Variants in GH1 observed in about 807,000 individuals in gnomAD.
GH1 encodes growth hormone 1, also known as somatotropin.
A neutral mutation model predicts 24.5 loss-of-function variants in GH1; 13 were observed. That is an observed-to-expected ratio of 0.53 (90% CI 0.35 to 0.85). GH1 has a LOEUF of 0.85. Among genes scored for constraint, GH1 ranks in the 40% least tolerant of loss-of-function variants. The pLI is 0.01. For missense variants in GH1, 294 were observed against 273.2 expected, an observed-to-expected ratio of 1.08 and a Z score of -0.54; for synonymous variants, 126 against 116.3, an observed-to-expected ratio of 1.08 and a Z score of -0.54.
chr17:63,917,680 A>T, intron 4 of GH1, 80 bp downstream of exon 4: 1 of 1,614,124 alleles, frequency 6.2e-7, no homozygotes, highest in South Asian at 1.1e-5. Flanking sequence ...ACTGCTAAAA[A>T]GAGGGCAGCA....
chr17:63,917,432 G>T lies in GH1; in HGVS notation c.531C>A (p.His177Gln). 1 of 1,613,988 alleles carries T rather than the reference G, an allele frequency of 6.2e-7. No individual in the cohort carries two copies. The highest frequency in any genetic ancestry group is 8.5e-7 in the Non-Finnish European group (1 of 1,179,878). ...QTYSKFDTNSHNDDALLKNYG... is the reference protein window; with the variant it reads ...QTYSKFDTNSQNDDALLKNYG... The stretch of plus-strand genomic sequence containing the variant: ...AGTTCTTGAGTAGTGCGTCATCGTT[G>T]TGTGAGTTTGTGTCGAACTTGCTGT... Residue 177 changes from histidine (H) to glutamine (Q), a missense_variant, in exon 5 of 5, where the codon CAC becomes CAA. Physicochemically the swap from His to Gln is conservative, Grantham distance 24. Transcript: ENST00000323322.
chr17:63,917,564 T>G, intron 4 of GH1, 58 bp from the exon 5 acceptor site: 1 of 1,613,916 alleles, frequency 6.2e-7, no homozygotes, highest in Non-Finnish European at 8.5e-7. Flanking sequence ...TCCCTCCCTT[T>G]CTCATTCATT....
At chr17:63,918,549 G>A in intron 1 of GH1, 43 bp from the exon 2 acceptor site, 1 of 1,613,026 alleles carries the variant, frequency 6.2e-7, no homozygotes, top group Non-Finnish European at 8.5e-7. Context: ...CGGAGAGCAA[G>A]AGGCCAGCAC....
chr17:63,918,692 C>A (rs1907546140), intron 1 of GH1, 75 bp downstream of exon 1: 1 of 1,612,374 alleles, frequency 6.2e-7, no homozygotes, highest in South Asian at 1.1e-5. Context: ...AGGGTTAGTG[C>A]CCCCGTCCCA....
rs748188371 is a variant in GH1 at position 63,917,847 on chromosome 17, G to A, written c.369C>T (p.Phe123=). 7 of 1,614,184 alleles carry A rather than the reference G, an allele frequency of 4.3e-6. No individual in the cohort carries two copies. The highest frequency in any genetic ancestry group is 3.3e-5 in the Admixed American group (2 of 60,012). ...LEPVQFLRSV[F]ANSLVYGASD... ...AGGCGCCGTACACCAGGCTGTTGGC[G>A]AAGACACTCCTGAGGAACTGCACGG... The change falls in exon 4 of 5, where the codon TTC becomes TTT. Residue 123 remains phenylalanine, a synonymous_variant. Transcript: ENST00000323322.
intron 2 of GH1, 71 bp downstream of exon 2, chr17:63,918,275 C>A (rs1375934507): frequency 4.3e-6 from 7 of 1,611,236 alleles, no homozygotes; most frequent in Non-Finnish European, 5.9e-6. Flanking sequence ...GTCTCCTCCT[C>A]TTATTTCCCA....
At position 63,918,006 on chromosome 17, in the gene GH1, C is replaced by T. The variant is rs915740374; in HGVS notation, c.291+11G>A. The T allele has an allele frequency of 2.5e-6, 4 of 1,614,094 alleles. No individual in the cohort carries two copies. The African/African-American group carries it at 5.3e-5, about 22-fold the overall frequency. The stretch of plus-strand genomic sequence containing the variant: ...CCCCCATCCCCGCCTGGGGAGAAGG[C>T]ATCCACTCACGGATTTCTGTTGTGT... On this transcript the variant is annotated intron_variant, in intron 3 of 4. Coordinates refer to ENST00000323322, the MANE Select transcript of GH1 (RefSeq NM_000515.5).
In GH1 at chr17:63,918,834, A is replaced by T. The variant is rs1285533075; in HGVS notation, c.-58T>A. ...GTGGTTCGGGGAGTTGGGCCTTGGG[A>T]TCCTTGAGCTGGTCTCTTGTGGGCC... On this transcript the variant is annotated 5_prime_UTR_variant, in exon 1 of 5. Coordinates refer to ENST00000323322, the MANE Select transcript of GH1 (RefSeq NM_000515.5). 4.3e-5 allele frequency: 69 copies of T among 1,613,348 alleles called. 2 individuals carry two copies. In the South Asian group the frequency reaches 4.3e-4, roughly 10 times the overall value.
chr17:63,918,297 TC>T, intron 2 of GH1, 48 bp downstream of exon 2: 1 of 1,612,982 alleles, frequency 6.2e-7, no homozygotes, highest in African/African-American at 1.3e-5. Flanking sequence ...CGGGGGAAAG[TC>T]ACCCCTTCCT....
At position 63,918,761 on chromosome 17, in the gene GH1, G is replaced by A. The variant is rs746980835; in HGVS notation, c.10+6C>T. 104 of 1,613,806 alleles carry A rather than the reference G, an allele frequency of 6.4e-5. No homozygotes were observed. Among genetic ancestry groups the A allele is most frequent in the Middle Eastern group, 3.3e-4 (2 of 6,050 alleles). On this transcript the variant is annotated splice_donor_region_variant and intron_variant, in intron 1 of 4. Coordinates refer to ENST00000323322, the MANE Select transcript of GH1 (RefSeq NM_000515.5). ...TTGTGCCCAAAGGGATTTTAGGGGCGCTTACCTGTAGCCATTGCAGCTAGG... is the reference window on the plus strand; with the variant it reads ...TTGTGCCCAAAGGGATTTTAGGGGCACTTACCTGTAGCCATTGCAGCTAGG...
Position 63,917,870 on chromosome 17 carries a change from C to A in GH1, c.346G>T (p.Val116Leu), listed in dbSNP as rs377027593. 6 of 1,614,154 alleles carry A rather than the reference C, an allele frequency of 3.7e-6. No homozygotes were observed. The East Asian group carries it at 1.3e-4, about 36-fold the overall frequency. Reference sequence around the variant, plus strand: ...GCGAAGACACTCCTGAGGAACTGCACGGGCTCCAGCCACGACTGGATGAGC... The same window carrying A: ...GCGAAGACACTCCTGAGGAACTGCAAGGGCTCCAGCCACGACTGGATGAGC... ...LLLIQSWLEPVQFLRSVFANS... is the reference protein window; with the variant it reads ...LLLIQSWLEPLQFLRSVFANS... Residue 116 changes from valine to leucine, a missense_variant, in exon 4 of 5, where the codon GTG becomes TTG. Val to Leu is a conservative substitution (Grantham distance 32). Coordinates refer to ENST00000323322, the MANE Select transcript of GH1 (RefSeq NM_000515.5).
Position 63,917,909 on chromosome 17 carries a change from G to C in GH1, c.307C>G (p.Arg103Gly). The change falls in exon 4 of 5, where the codon CGC (arginine) becomes GGC (glycine). Residue 103 changes from arginine to glycine, a missense_variant. Coordinates refer to ENST00000323322, the MANE Select transcript of GH1 (RefSeq NM_000515.5). ...GACTGGATGAGCAGCAGGGAGATGC[G>C]GAGCAGCTCTAGGTTCTGCAGGGGA... ...TQQKSNLELL[R>G]ISLLLIQSWL... 3.7e-6 allele frequency: 6 copies of C among 1,614,206 alleles called. No homozygotes were observed. The highest frequency in any genetic ancestry group is 5.1e-6 in the Non-Finnish European group (6 of 1,180,036).
intron 1 of GH1, 24 bp from the exon 2 acceptor site, chr17:63,918,530 A>T (rs755049792): frequency 1.2e-6 from 2 of 1,613,512 alleles, no homozygotes; most frequent in African/African-American, 1.3e-5. Flanking sequence ...AGAGGGCAAC[A>T]GAGGGAGCCG....
In GH1 at chr17:63,917,261, G is replaced by A. The variant is rs1403583102; in HGVS notation, c.*48C>T. 1.9e-6 allele frequency: 3 copies of A among 1,613,724 alleles called. No individual in the cohort carries two copies. The highest frequency in any genetic ancestry group is 2.5e-6 in the Non-Finnish European group (3 of 1,179,698). ...TGGGCACTGGAGTGGCAACTTCCAGGGCCAGGAGAGGCACTGGGGAGGGGT... is the reference window on the plus strand; with the variant it reads ...TGGGCACTGGAGTGGCAACTTCCAGAGCCAGGAGAGGCACTGGGGAGGGGT... On this transcript the variant is annotated 3_prime_UTR_variant, in exon 5 of 5. Coordinates refer to ENST00000323322, the MANE Select transcript of GH1 (RefSeq NM_000515.5).
chr17:63,918,072 C>T lies in GH1; in HGVS notation c.236G>A (p.Cys79Tyr). 1 of 1,614,166 alleles carries T rather than the reference C, an allele frequency of 6.2e-7. No individual in the cohort carries two copies. Among genetic ancestry groups the T allele is most frequent in the Non-Finnish European group, 8.5e-7 (1 of 1,180,016 alleles). ...GGGTGTCGGAATAGACTCTGAGAAA[C>T]AGAGGGAGGTCTGGGGGTTCTGCAG... The part of the protein sequence containing the change: ...SFLQNPQTSL[C>Y]FSESIPTPSN... Residue 79 changes from cysteine to tyrosine, a missense_variant, in exon 3 of 5, where the codon TGT becomes TAT. Transcript: ENST00000323322.
In GH1 at chr17:63,917,485, G is replaced by A. The variant is rs377600944; in HGVS notation, c.478C>T (p.Arg160Trp). Residue 160 changes from arginine to tryptophan, a missense_variant, in exon 5 of 5, where the codon CGG (arginine) becomes TGG (tryptophan). By Grantham distance (101) the Arg-to-Trp change is moderately radical. Transcript: ENST00000323322. ...GTCTGCTTGAAGATCTGCCCAGTCC[G>A]GGGGCTGCCATCTTCCAGCCTCTGC... ...LMGRLEDGSPRTGQIFKQTYS... is the reference protein window; with the variant it reads ...LMGRLEDGSPWTGQIFKQTYS... 1.1e-4 allele frequency: 175 copies of A among 1,613,948 alleles called. No homozygotes were observed. The highest frequency in any genetic ancestry group is 4.1e-4 in the South Asian group (37 of 91,078).
chr17:63,918,562 T>C, intron 1 of GH1, 56 bp from the exon 2 acceptor site: 3 of 1,612,412 alleles, frequency 1.9e-6, no homozygotes, highest in Non-Finnish European at 2.5e-6. Context: ...GCCAGCACTC[T>C]CCCTGCTCCA....
In GH1 at chr17:63,917,321, G is replaced by T; in HGVS notation, c.642C>A (p.Ser214Arg). The part of the protein sequence containing the change: ...RIVQCRSVEG[S>R]CGF Reference sequence around the variant, plus strand: ...GCCACCCGGGCAGCTAGAAGCCACAGCTGCCCTCCACAGAGCGGCACTGCA... The same window carrying T: ...GCCACCCGGGCAGCTAGAAGCCACATCTGCCCTCCACAGAGCGGCACTGCA... Residue 214 changes from serine to arginine, a missense_variant, in exon 5 of 5, where the codon AGC becomes AGA. Ser to Arg is a moderately radical substitution (Grantham distance 110). Transcript: ENST00000323322. 6.2e-7 allele frequency: 1 copy of T among 1,613,964 alleles called. No homozygotes were observed.
intron 4 of GH1, 76 bp from the exon 5 acceptor site, chr17:63,917,582 C>G: frequency 6.2e-7 from 1 of 1,613,906 alleles, no homozygotes; most frequent in Non-Finnish European, 8.5e-7. Context: ...ATTCATTTTC[C>G]TCCCTCCCCT....
Sources: allele counts gnomAD v4.1 joint callset, GRCh38; gene constraint gnomAD v4.1.1; transcripts MANE v1.5; gene names NCBI Gene and HGNC (gene_info 2026-07-23, HGNC 2026-07-21).